The following LILRB2 variants were observed in gnomAD, a reference collection of about 807,000 sequenced individuals.
LILRB2 encodes the protein leukocyte immunoglobulin-like receptor subfamily B member 2.
Under a neutral mutation model 72.7 loss-of-function variants are expected in LILRB2, and 47 were observed. The observed-to-expected ratio is 0.65, with a 90% CI of 0.51 to 0.82. LILRB2 has a LOEUF of 0.82. Among genes scored for constraint, LILRB2 ranks in the 40% least tolerant of loss-of-function variants. LILRB2 has a pLI of 0.00. For missense variants in LILRB2, 767 were observed against 764.8 expected (o/e 1.00, Z -0.03); for synonymous variants, 279 against 313.7 (o/e 0.89, Z 1.17).
chr19:54,279,516 GTTCATC>G lies in LILRB2; in HGVS notation c.481_486del (p.Asp161_Glu162del). 6.2e-7 allele frequency: 1 copy of G among 1,614,116 alleles called. No individual in the cohort carries two copies. On this transcript the variant is annotated inframe_deletion, in exon 5 of 14. Transcript: ENST00000314446. ...GGCTGGGAGTTCAGGCATTGTGGGT[GTTCATC>G]TTCTCCTTCCTTACACAGAATGAAG...
chr19:54,277,934 A>G lies in LILRB2; in HGVS notation c.1264T>C (p.Ser422Pro). The G allele has an allele frequency of 6.5e-7, 1 of 1,529,300 alleles. No homozygotes were observed. Among genetic ancestry groups the G allele is most frequent in the South Asian group, 1.2e-5 (1 of 81,342 alleles). The allele number at this position is 1,529,300 out of a possible 1,614,324, so 94.7% of individuals were successfully genotyped here. A position where few individuals can be genotyped will look rare whatever the true frequency, so the allele number is the denominator to read the frequency against. Reference protein sequence around the residue: ...EPLELVVSGPSMGSSPPPTGP... With the variant: ...EPLELVVSGPPMGSSPPPTGP... ...GTGGGTGGGGGGCTGGAACCCATGGAGGGTCCTGGGTGAAAGAATGAGAGG... is the reference window on the plus strand; with the variant it reads ...GTGGGTGGGGGGCTGGAACCCATGGGGGGTCCTGGGTGAAAGAATGAGAGG... The change falls in exon 8 of 14, where the codon TCC becomes CCC. Residue 422 changes from serine (S) to proline (P), a missense_variant. Coordinates refer to ENST00000314446, the MANE Select transcript of LILRB2 (RefSeq NM_001080978.4).
chr19:54,277,367 G>T, intron 9 of LILRB2, 183 bp downstream of exon 9: 1 of 1,211,724 alleles, frequency 8.3e-7, no homozygotes, highest in Non-Finnish European at 1.2e-6. Flanking sequence ...ACAGCTGGGA[G>T]TGAGAGCTGA....
chr19:54,274,207 G>A lies in LILRB2; in HGVS notation c.*476C>T, dbSNP rs536921114. 1 of 157,602 alleles carries A rather than the reference G, an allele frequency of 6.3e-6. No homozygotes were observed. The highest frequency in any genetic ancestry group is 1.8e-4 in the South Asian group (1 of 5,414). The allele number at this position is 157,602 out of a possible 1,614,324, so 9.8% of individuals were successfully genotyped here. ...GGCTTTGTTGAATTTTCAAGTTTTG[G>A]TTTTTCCTCATGAGCAACTCTTCTT... On this transcript the variant is annotated 3_prime_UTR_variant, in exon 14 of 14. Transcript: ENST00000314446.
intron 10 of LILRB2, 87 bp from the exon 11 acceptor site, chr19:54,276,543 T>G: frequency 7.3e-7 from 1 of 1,365,294 alleles, no homozygotes; most frequent in Non-Finnish European, 9.9e-7. Flanking sequence ...GAAGGAAACC[T>G]AAAAACACTC....
rs2080099100 is a variant in LILRB2, at chr19:54,274,039, A to C, written c.*644T>G. The C allele has an allele frequency of 6.5e-6, 1 of 152,820 alleles. No individual in the cohort carries two copies. Among genetic ancestry groups the C allele is most frequent in the East Asian group, 1.9e-4 (1 of 5,200 alleles). The allele number at this position is 152,820 out of a possible 1,614,324, so 9.5% of individuals were successfully genotyped here. A position where few individuals can be genotyped will look rare whatever the true frequency, so the allele number is the denominator to read the frequency against. Reference sequence around the variant, plus strand: ...TAGGTTTGCAGCCTGTTCTGGGGTTAGTTTGTGAAAATGTGTGTAGGATCT... The same window carrying C: ...TAGGTTTGCAGCCTGTTCTGGGGTTCGTTTGTGAAAATGTGTGTAGGATCT... On this transcript the variant is annotated 3_prime_UTR_variant, in exon 14 of 14. Transcript: ENST00000314446.
chr19:54,277,965 G>T lies in LILRB2; in HGVS notation c.1259-26C>A, dbSNP rs1441361049. The T allele has an allele frequency of 1.0e-5, 15 of 1,472,394 alleles. No homozygotes were observed. In the South Asian group the frequency reaches 1.1e-4, roughly 11 times the overall value. The allele number at this position is 1,472,394 out of a possible 1,614,324, so 91.2% of individuals were successfully genotyped here. A position where few individuals can be genotyped will look rare whatever the true frequency, so the allele number is the denominator to read the frequency against. ...CTGGGTGAAAGAATGAGAGGAGGGT[G>T]AGGAGCTGGGGCTTTCCTGAAGTCT... On this transcript the variant is annotated intron_variant, in intron 7 of 13. Transcript: ENST00000314446.
chr19:54,278,682 CCTGTCTCTCTCT>C, intron 6 of LILRB2, 118 bp downstream of exon 6: 1 of 1,476,098 alleles, frequency 6.8e-7, no homozygotes, highest in Non-Finnish European at 9.1e-7. Context: ...CCACCCATCC[CCTGTCTCTCTCT>C]CTGTCTCTCC....
chr19:54,279,444 T>C lies in LILRB2; in HGVS notation c.559A>G (p.Ser187Gly). 6.2e-7 allele frequency: 1 copy of C among 1,614,168 alleles called. No homozygotes were observed. The highest frequency in any genetic ancestry group is 8.5e-7 in the Non-Finnish European group (1 of 1,180,024). The change falls in exon 5 of 14, where the codon AGC (serine) becomes GGC (glycine). Residue 187 changes from serine to glycine, a missense_variant. Ser to Gly is a moderately conservative substitution (Grantham distance 56, BLOSUM62 0). Around this residue, in one of 3 missense-constraint regions of LILRB2, gnomAD observed 599 missense variants for 568.2 expected, o/e 1.05. Transcript: ENST00000314446. ...SRAIFSVGPV[S>G]PNRRWSHRCY... is the part of the protein sequence containing the mutation. ...CTGTGCGACCACCTGCGATTCGGGC[T>C]CACGGGGCCCACGGAGAAGATGGCG... is the stretch of plus-strand genomic sequence containing the variant.
At chr19:54,278,154 G>A (rs2080333184) in intron 7 of LILRB2, 106 bp downstream of exon 7, 1 of 1,472,480 alleles carries the variant, frequency 6.8e-7, no homozygotes, top group African/African-American at 1.4e-5. Flanking sequence ...CACTGGCTGA[G>A]CCCCGCTCAG....
At chr19:54,280,169 G>T in intron 3 of LILRB2, 94 bp from the exon 4 acceptor site, 1 of 1,611,520 alleles carries the variant, frequency 6.2e-7, no homozygotes, top group African/African-American at 1.3e-5. Context: ...CCATCAGTCA[G>T]TCCAGAACTT....
chr19:54,276,993 G>A (rs1238095429), intron 9 of LILRB2, 64 bp from the exon 10 acceptor site: 1 of 1,553,150 alleles, frequency 6.4e-7, no homozygotes, highest in South Asian at 1.2e-5. Flanking sequence ...CTGTGTGCAG[G>A]TGACTGCTGG....
Position 54,274,647 on chromosome 19 carries a change from CCTT to C in LILRB2, c.*33_*35del, listed in dbSNP as rs747419706. ...CCGTGCCTTCAGCAGTCCTGAGTCT[CCTT>C]CTACTGAGTGTGGAGTCTGCGTACC... On this transcript the variant is annotated 3_prime_UTR_variant, in exon 14 of 14. Transcript: ENST00000314446. The C allele has an allele frequency of 4.3e-6, 7 of 1,613,984 alleles. No individual in the cohort carries two copies. The highest frequency in any genetic ancestry group is 4.5e-5 in the East Asian group (2 of 44,874).
At position 54,281,048 on chromosome 19, in the gene LILRB2, C is replaced by T; in HGVS notation, c.-136G>A. On this transcript the variant is annotated 5_prime_UTR_variant, in exon 1 of 14. Coordinates refer to ENST00000314446, the MANE Select transcript of LILRB2 (RefSeq NM_001080978.4). ...CAGACTCAGATCAGCAGAGAAGCATCTCGCCTCTGGCTGTGCTGTCCAGGT... is the reference window on the plus strand; with the variant it reads ...CAGACTCAGATCAGCAGAGAAGCATTTCGCCTCTGGCTGTGCTGTCCAGGT... The T allele has an allele frequency of 2.7e-6, 1 of 365,590 alleles. No individual in the cohort carries two copies. Among genetic ancestry groups the T allele is most frequent in the South Asian group, 2.2e-5 (1 of 46,374 alleles). 22.6% of individuals were successfully genotyped at this position (365,590 alleles called of 1,614,324 possible). A position where few individuals can be genotyped will look rare whatever the true frequency, so the allele number is the denominator to read the frequency against.
intron 12 of LILRB2, 47 bp downstream of exon 12, chr19:54,276,217 G>C (rs769433258): frequency 1.2e-4 from 194 of 1,612,290 alleles, no homozygotes; most frequent in Non-Finnish European, 1.5e-4. Context: ...CGGAAACTTC[G>C]GGGCCCCTAT....
Position 54,278,532 on chromosome 19 carries a change from A to C in LILRB2, c.986T>G (p.Val329Gly). Residue 329 changes from valine (V) to glycine (G), a missense_variant, in exon 7 of 14, where the codon GTG becomes GGG. Transcript: ENST00000314446. Reference sequence around the variant, plus strand: ...TGAGGCCACTGTGGGGCCTGGCTGCACTGAGATGAAGGGTGTGCCACGGAT... The same window carrying C: ...TGAGGCCACTGTGGGGCCTGGCTGCCCTGAGATGAAGGGTGTGCCACGGAT... ...GQIRGTPFISVQPGPTVASGE... is the reference protein window; with the variant it reads ...GQIRGTPFISGQPGPTVASGE... The C allele has an allele frequency of 2.5e-6, 4 of 1,614,260 alleles. No homozygotes were observed. Among genetic ancestry groups the C allele is most frequent in the Non-Finnish European group, 3.4e-6 (4 of 1,180,038 alleles).
chr19:54,275,871 G>A, intron 13 of LILRB2, 80 bp downstream of exon 13: 5 of 1,548,156 alleles, frequency 3.2e-6, no homozygotes, highest in Non-Finnish European at 4.5e-6. Flanking sequence ...AGAGCCGGGG[G>A]AAGGAGGACA....
intron 13 of LILRB2, chr19:54,275,377 G>C: frequency 1.9e-6 from 1 of 514,890 alleles, no homozygotes; most frequent in South Asian, 2.0e-5. Flanking sequence ...GCCCCACTCT[G>C]TCCAGGCTTC....
chr19:54,274,463 T>C lies in LILRB2; in HGVS notation c.*220A>G. On this transcript the variant is annotated 3_prime_UTR_variant, in exon 14 of 14. Coordinates refer to ENST00000314446, the MANE Select transcript of LILRB2 (RefSeq NM_001080978.4). Reference sequence around the variant, plus strand: ...ATTTTAGTTTTCTCGGTTAACTCATTGATTATTGAGAAGTCTGTTGCTTTA... The same window carrying C: ...ATTTTAGTTTTCTCGGTTAACTCATCGATTATTGAGAAGTCTGTTGCTTTA... The C allele has an allele frequency of 1.2e-6, 1 of 809,008 alleles. No individual in the cohort carries two copies. The highest frequency in any genetic ancestry group is 2.7e-5 in the East Asian group (1 of 36,666). 50.1% of individuals were successfully genotyped at this position (809,008 alleles called of 1,614,324 possible).
intron 10 of LILRB2, 120 bp from the exon 11 acceptor site, chr19:54,276,576 T>C (rs1200407802): frequency 1.9e-5 from 28 of 1,436,262 alleles, no homozygotes; most frequent in Non-Finnish European, 2.5e-5. Flanking sequence ...TCCAAATGCC[T>C]CATGAGATGG....
Sources: gnomAD v4.1 joint callset for allele counts on GRCh38, gnomAD v4.1.1 for gene constraint, gnomAD v4.1.1 regional missense constraint, MANE v1.5 for transcripts, NCBI Gene and HGNC (gene_info 2026-07-23, HGNC 2026-07-21) for gene names.